BMPER: variants seen among roughly 807,000 people sequenced by gnomAD.
BMPER encodes the protein BMP binding endothelial regulator.
In BMPER, 45 loss-of-function variants were observed where a neutral mutation model predicts 87.3. The observed-to-expected ratio is 0.52, with a 90% CI of 0.41 to 0.66. The LOEUF (loss-of-function observed/expected upper bound fraction) is 0.66. BMPER is among the 30% of genes least tolerant of loss of function. The pLI is 0.00. For synonymous variants in BMPER, 326 were observed against 316.2 expected (o/e 1.03, Z -0.33); for missense variants, 784 against 867.5 (o/e 0.90, Z 1.21).
chr7:34,135,769 A>G (rs1257001723), intron 13 of BMPER, among the ~76,000 whole-genome samples: 2 of 152,126 alleles, frequency 1.3e-5, no homozygotes, highest in Non-Finnish European at 2.9e-5. Context: ...GGAGGAGCCC[A>G]TCTCTGTTAG....
intron 2 of BMPER, among the ~76,000 whole-genome samples, chr7:33,915,053 A>G (rs1358239707): frequency 6.6e-6 from 1 of 152,214 alleles, no homozygotes; most frequent in African/African-American, 2.4e-5. Flanking sequence ...GGAATCCAAA[A>G]CTAAGATTGC....
chr7:33,910,941 T>G (rs961958888), intron 2 of BMPER, among the ~76,000 whole-genome samples: 2 of 152,162 alleles, frequency 1.3e-5, no homozygotes, highest in African/African-American at 4.8e-5. Context: ...TAGGCACATG[T>G]TTGAGGATGA....
At chr7:33,936,454 G>A (rs1011389000) in intron 2 of BMPER, among the ~76,000 whole-genome samples, 45 of 152,282 alleles carry the variant, frequency 3.0e-4, no homozygotes, top group African/African-American at 1.1e-3. Flanking sequence ...TGGGGATAAC[G>A]ATACTGACCA....
intron 2 of BMPER, among the ~76,000 whole-genome samples, chr7:33,931,610 A>G (rs781610733): frequency 6.6e-6 from 1 of 152,186 alleles, no homozygotes; most frequent in African/African-American, 2.4e-5. Flanking sequence ...ATTGGGTTAC[A>G]ATGGGGATAC....
chr7:33,991,099 T>G (rs567678978), intron 6 of BMPER, among the ~76,000 whole-genome samples: 4 of 146,730 alleles, frequency 2.7e-5, no homozygotes, highest in Non-Finnish European at 1.5e-5. Flanking sequence ...TGTCTCTGCC[T>G]GGCTTTGGTA....
chr7:34,088,548 G>A (rs984579572), intron 13 of BMPER, among the ~76,000 whole-genome samples: 1 of 152,178 alleles, frequency 6.6e-6, no homozygotes, highest in Non-Finnish European at 1.5e-5. Context: ...ATGAGCCGTG[G>A]GGAAGGGGAC....
chr7:33,940,874 A>G (rs1227798062), intron 3 of BMPER, among the ~76,000 whole-genome samples: 1 of 141,060 alleles, frequency 7.1e-6, no homozygotes, highest in East Asian at 2.0e-4. Context: ...ATTATATTAT[A>G]TATATTTATA....
At chr7:34,066,488 C>A (rs1386166595) in intron 11 of BMPER, among the ~76,000 whole-genome samples, 1 of 152,208 alleles carries the variant, frequency 6.6e-6, no homozygotes, top group Admixed American at 6.5e-5. Context: ...GCTACACAAA[C>A]TTCATAAAGC....
intron 3 of BMPER, among the ~76,000 whole-genome samples, chr7:33,959,064 C>T (rs1215778524): frequency 6.6e-6 from 1 of 152,134 alleles, no homozygotes; most frequent in East Asian, 1.9e-4. Context: ...CATCTTCCAC[C>T]ATAGTTGTGA....
intron 6 of BMPER, among the ~76,000 whole-genome samples, chr7:33,985,712 G>T (rs1212037193): frequency 6.7e-6 from 1 of 150,124 alleles, no homozygotes; most frequent in African/African-American, 2.4e-5. Context: ...TTTTCCATAT[G>T]TTTATCAGCC....
At chr7:34,137,757 A>G (rs188175008) in intron 13 of BMPER, among the ~76,000 whole-genome samples, 14 of 152,344 alleles carry the variant, frequency 9.2e-5, no homozygotes, top group Admixed American at 4.6e-4. Context: ...CCAAGGGTTG[A>G]TGGGACATTC....
intron 13 of BMPER, among the ~76,000 whole-genome samples, chr7:34,129,348 A>C (rs1790487316): frequency 2.0e-5 from 3 of 151,824 alleles, no homozygotes; most frequent in African/African-American, 7.3e-5. Flanking sequence ...TAAAAATACA[A>C]AAAATTAGCC....
chr7:34,013,235 A>G (rs911028077), intron 6 of BMPER, among the ~76,000 whole-genome samples: 2 of 151,512 alleles, frequency 1.3e-5, no homozygotes, highest in Non-Finnish European at 2.9e-5. Context: ...ACAACTCTCC[A>G]TTCTCTTTAA....
At chr7:34,003,995 C>G (rs1177360877) in intron 6 of BMPER, among the ~76,000 whole-genome samples, 1 of 152,038 alleles carries the variant, frequency 6.6e-6, no homozygotes, top group Admixed American at 6.6e-5. Context: ...ATTCATTCAG[C>G]CCCTTTTTCC....
At chr7:34,007,457 A>G (rs1348944494) in intron 6 of BMPER, among the ~76,000 whole-genome samples, 1 of 152,040 alleles carries the variant, frequency 6.6e-6, no homozygotes, top group African/African-American at 2.4e-5. Flanking sequence ...ATCACAATTG[A>G]CAGATTTTTC....
At chr7:34,010,420 T>A (rs1786847224) in intron 6 of BMPER, among the ~76,000 whole-genome samples, 1 of 151,992 alleles carries the variant, frequency 6.6e-6, no homozygotes, top group Non-Finnish European at 1.5e-5. Context: ...TATGAGATGA[T>A]ATTTAGGGAA....
At chr7:33,998,843 T>C (rs532573547) in intron 6 of BMPER, among the ~76,000 whole-genome samples, 1 of 152,358 alleles carries the variant, frequency 6.6e-6, no homozygotes, top group East Asian at 1.9e-4. Flanking sequence ...GCCAGTCTAA[T>C]TTAGAAGCCA....
At chr7:33,975,191 G>A (rs1328463714) in intron 6 of BMPER, among the ~76,000 whole-genome samples, 1 of 152,112 alleles carries the variant, frequency 6.6e-6, no homozygotes, top group Non-Finnish European at 1.5e-5. Flanking sequence ...CCTTTTTTGG[G>A]GGAAAGCATG....
chr7:34,017,323 A>G (rs1242333752), intron 6 of BMPER, among the ~76,000 whole-genome samples: 1 of 151,904 alleles, frequency 6.6e-6, no homozygotes, highest in African/African-American at 2.4e-5. Flanking sequence ...AAAGAGGTTT[A>G]ATTGACTCGC....
Sources: gnomAD v4.1 joint callset for allele counts (sites outside exome capture counted in the v4.1 genomes callset) on GRCh38, gnomAD v4.1.1 for gene constraint, MANE v1.5 for transcripts, NCBI Gene and HGNC (gene_info 2026-07-23, HGNC 2026-07-21) for gene names.